The following SIPA1L2 variants were observed in gnomAD, a reference collection of about 807,000 sequenced individuals.
SIPA1L2 encodes the protein signal-induced proliferation-associated 1-like protein 2.
A neutral mutation model predicts 163.9 loss-of-function variants in SIPA1L2; 56 were observed. The ratio of observed to expected loss-of-function variants is 0.34; its 90% CI spans 0.28 to 0.43. The LOEUF (loss-of-function observed/expected upper bound fraction) is 0.43. Among genes scored for constraint, SIPA1L2 ranks in the 20% least tolerant of loss-of-function variants. SIPA1L2 has a pLI of 1.00. For missense variants in SIPA1L2, 1,974 were observed against 2,193.5 expected (o/e 0.90, Z 2.00); for synonymous variants, 877 against 865.7 (o/e 1.01, Z -0.23).
chr1:232,624,109 C>A (rs1362290419), intron 1 of SIPA1L2, among the ~76,000 whole-genome samples: 1 of 152,040 alleles, frequency 6.6e-6, no homozygotes, highest in Non-Finnish European at 1.5e-5. Flanking sequence ...CACACACAAA[C>A]GTGCATGCAG....
intron 2 of SIPA1L2, among the ~76,000 whole-genome samples, chr1:232,546,034 G>A (rs999758374): frequency 1.3e-5 from 2 of 152,204 alleles, no homozygotes; most frequent in African/African-American, 4.8e-5. Context: ...ATTACATTGT[G>A]TTAGGAATGT....
At chr1:232,504,534 T>G (rs769081742) in intron 3 of SIPA1L2, among the ~76,000 whole-genome samples, 1 of 151,292 alleles carries the variant, frequency 6.6e-6, no homozygotes, top group Non-Finnish European at 1.5e-5. Flanking sequence ...CGAGACTCCA[T>G]CTCAGAAAGA....
rs1664460826 is a variant in SIPA1L2 at position 232,465,501 on chromosome 1, C to T, written c.2244-85G>A. 5.8e-6 allele frequency: 6 copies of T among 1,042,894 alleles called. No homozygotes were observed. Among genetic ancestry groups the T allele is most frequent in the Middle Eastern group, 2.1e-4 (1 of 4,720 alleles). 64.6% of individuals were successfully genotyped at this position (1,042,894 alleles called of 1,614,324 possible). Reference sequence around the variant, plus strand: ...TCCGAATTTGACATATATATACACACACACACACATATACATACACACACA... The same window carrying T: ...TCCGAATTTGACATATATATACACATACACACACATATACATACACACACA... On this transcript the variant is annotated intron_variant, in intron 8 of 22. Transcript: ENST00000674635. The surrounding 1 kb of genome is among the most constrained non-coding windows in gnomAD (Gnocchi z 4.1).
chr1:232,485,751 T>C (rs760264282), intron 5 of SIPA1L2, among the ~76,000 whole-genome samples: 11 of 152,168 alleles, frequency 7.2e-5, no homozygotes, highest in Admixed American at 1.3e-4. Flanking sequence ...TGGACAACGA[T>C]GTTAGTTGAC....
At chr1:232,524,161 TA>T (rs1667582528) in intron 2 of SIPA1L2, among the ~76,000 whole-genome samples, 1 of 152,240 alleles carries the variant, frequency 6.6e-6, no homozygotes, top group Admixed American at 6.5e-5. Flanking sequence ...TATTCAGTTC[TA>T]CCAGGGCACT....
chr1:232,627,208 C>T (rs7549228), intron 1 of SIPA1L2, among the ~76,000 whole-genome samples: 25 of 152,276 alleles, frequency 1.6e-4, no homozygotes, highest in African/African-American at 6.0e-4. Flanking sequence ...AATAACGCTG[C>T]ATTTACCAAT....
At chr1:232,430,771 T>A (rs1400214042) in intron 16 of SIPA1L2, among the ~76,000 whole-genome samples, 1 of 152,152 alleles carries the variant, frequency 6.6e-6, no homozygotes, top group Non-Finnish European at 1.5e-5. Context: ...CCCGATAAAA[T>A]GCAGCTTAGG....
chr1:232,507,622 G>A (rs1436340674), intron 3 of SIPA1L2, among the ~76,000 whole-genome samples: 1 of 152,180 alleles, frequency 6.6e-6, no homozygotes, highest in East Asian at 1.9e-4. Flanking sequence ...GTTTTGTAGA[G>A]GTATTGCATC....
chr1:232,569,421 A>C (rs1659588979), intron 2 of SIPA1L2, among the ~76,000 whole-genome samples: 1 of 152,206 alleles, frequency 6.6e-6, no homozygotes, highest in South Asian at 2.1e-4. Context: ...GTAAGCAGGC[A>C]AAGGATGCTG....
chr1:232,621,779 T>TG (rs1662824529), intron 1 of SIPA1L2, among the ~76,000 whole-genome samples: 1 of 152,070 alleles, frequency 6.6e-6, no homozygotes, highest in Non-Finnish European at 1.5e-5. Flanking sequence ...TCACACAGGT[T>TG]GGGGTCCACT....
intron 22 of SIPA1L2, among the ~76,000 whole-genome samples, chr1:232,401,473 C>T (rs895556421): frequency 1.3e-5 from 2 of 152,200 alleles, no homozygotes; most frequent in African/African-American, 2.4e-5. Context: ...CTTATACTCC[C>T]ACCACTCTTA....
chr1:232,423,773 C>T (rs1270901143), intron 18 of SIPA1L2, among the ~76,000 whole-genome samples: 1 of 152,044 alleles, frequency 6.6e-6, no homozygotes, highest in Non-Finnish European at 1.5e-5. Flanking sequence ...AACTACGGTA[C>T]ATCTAGATGA....
At chr1:232,535,638 A>G (rs544814131) in intron 2 of SIPA1L2, among the ~76,000 whole-genome samples, 2 of 152,352 alleles carry the variant, frequency 1.3e-5, no homozygotes, top group East Asian at 3.9e-4. Context: ...AAGAAATTAC[A>G]TTTAACTTGA....
intron 10 of SIPA1L2, among the ~76,000 whole-genome samples, chr1:232,457,782 C>T (rs1664010473): frequency 6.6e-6 from 1 of 152,136 alleles, no homozygotes; most frequent in Non-Finnish European, 1.5e-5. Context: ...ACATGCTGAG[C>T]GCGAGGGTGA....
intron 2 of SIPA1L2, among the ~76,000 whole-genome samples, chr1:232,534,233 C>A (rs1657167162): frequency 6.6e-6 from 1 of 152,080 alleles, no homozygotes; most frequent in African/African-American, 2.4e-5. Flanking sequence ...AGAAGTAAGC[C>A]CTCACATGTA....
At chr1:232,401,109 G>GTC (rs146555118) in intron 22 of SIPA1L2, among the ~76,000 whole-genome samples, 48 of 149,944 alleles carry the variant, frequency 3.2e-4, no homozygotes, top group East Asian at 7.8e-4. Context: ...CAGGGTCCTT[G>GTC]TCTCTCTCTC....
chr1:232,514,865 T>C lies in SIPA1L2; in HGVS notation c.475A>G (p.Arg159Gly). ...PQRGLHPIRQ[R>G]SNSDVTISDI... Reference sequence around the variant, plus strand: ...CTGATAGTGACATCACTATTGCTCCTCTGTCTTATGGGGTGAAGTCCTCTT... The same window carrying C: ...CTGATAGTGACATCACTATTGCTCCCCTGTCTTATGGGGTGAAGTCCTCTT... The change falls in exon 3 of 23, where the codon AGG becomes GGG. Residue 159 changes from arginine (R) to glycine (G), a missense_variant. Around this residue, in one of 3 missense-constraint regions of SIPA1L2, gnomAD observed 607 missense variants for 624.0 expected, o/e 0.97. Transcript: ENST00000674635. 6.2e-7 allele frequency: 1 copy of C among 1,614,194 alleles called. No homozygotes were observed. The highest frequency in any genetic ancestry group is 8.5e-7 in the Non-Finnish European group (1 of 1,180,032).
At chr1:232,443,992 A>G (rs1663059269) in intron 11 of SIPA1L2, among the ~76,000 whole-genome samples, 2 of 152,236 alleles carry the variant, frequency 1.3e-5, no homozygotes, top group Non-Finnish European at 2.9e-5. Context: ...AAGAACAGCA[A>G]TACAATTTCC....
chr1:232,483,992 C>T (rs1299734889), intron 5 of SIPA1L2, 26 bp from the exon 6 acceptor site: 3 of 1,591,232 alleles, frequency 1.9e-6, no homozygotes, highest in Non-Finnish European at 2.6e-6. Context: ...AATATAATTA[C>T]TTGGCAAAGC....
Sources: gnomAD v4.1 joint callset for allele counts (sites outside exome capture counted in the v4.1 genomes callset) on GRCh38, gnomAD v4.1.1 for gene constraint, gnomAD v4.1.1 regional missense constraint, Gnocchi (gnomAD v3.1) non-coding constraint, MANE v1.5 for transcripts, NCBI Gene and HGNC (gene_info 2026-07-23, HGNC 2026-07-21) for gene names.